Variants in GRIK4 observed in about 807,000 individuals in gnomAD.
GRIK4 encodes glutamate receptor ionotropic, kainate 4.
In GRIK4, 40 loss-of-function variants were observed where a neutral mutation model predicts 104.9. The observed-to-expected ratio is 0.38, with a 90% CI of 0.30 to 0.50. GRIK4 has a LOEUF of 0.50. GRIK4 is among the 20% of genes least tolerant of loss of function. The probability of loss-of-function intolerance (pLI) is 0.93; values close to 1 mark genes in which losing one functional copy is unlikely to be tolerated. For missense variants in GRIK4, 1,047 were observed against 1,308.1 expected, an observed-to-expected ratio of 0.80 and a Z score of 3.08; for synonymous variants, 485 against 524.9, an observed-to-expected ratio of 0.92 and a Z score of 1.04.
chr11:120,555,894 C>G lies in GRIK4; in HGVS notation c.-159+44007C>G, dbSNP rs774811017. On this transcript the variant is annotated intron_variant, in intron 1 of 20. Coordinates refer to ENST00000527524, the MANE Select transcript of GRIK4 (RefSeq NM_014619.5). This position sits in a 1 kb window ranked among gnomAD's most constrained non-coding sequence, Gnocchi z 5.3. ...AAATGCCTTGTCTTGGATGTGACAA[C>G]TGGGGCAATGACCAGGTTGACACAG... Among the ~76,000 whole-genome samples the G allele has an allele frequency of 3.9e-5, 6 of 152,152 alleles. No homozygotes were observed. Among genetic ancestry groups the G allele is most frequent in the Non-Finnish European group, 8.8e-5 (6 of 68,026 alleles).
intron 1 of GRIK4, among the ~76,000 whole-genome samples, chr11:120,521,675 AG>A (rs1947798280): frequency 6.6e-6 from 1 of 152,184 alleles, no homozygotes; most frequent in South Asian, 2.1e-4. Flanking sequence ...GCTATTCCCA[AG>A]GTAGAGAATA....
At chr11:120,512,879 G>A (rs1448854734) in intron 1 of GRIK4, among the ~76,000 whole-genome samples, 1 of 152,272 alleles carries the variant, frequency 6.6e-6, no homozygotes, top group African/African-American at 2.4e-5. Flanking sequence ...TGGAGGAGGC[G>A]GCCGAGGGGG....
At chr11:120,924,970 G>A (rs755106317) in intron 13 of GRIK4, among the ~76,000 whole-genome samples, 34 of 152,220 alleles carry the variant, frequency 2.2e-4, no homozygotes, top group Non-Finnish European at 3.8e-4. Context: ...GAAATGAGAA[G>A]GGGCCAGATG....
intron 3 of GRIK4, among the ~76,000 whole-genome samples, chr11:120,790,656 G>A (rs555163355): frequency 6.6e-6 from 1 of 152,316 alleles, no homozygotes; most frequent in South Asian, 2.1e-4. Context: ...GGGCCTGAGG[G>A]CCAGGCAGGT....
chr11:120,722,235 A>G (rs964021502), intron 3 of GRIK4, among the ~76,000 whole-genome samples: 2 of 152,198 alleles, frequency 1.3e-5, no homozygotes, highest in Admixed American at 6.5e-5. Context: ...TATATATGGC[A>G]TTCTTCTTTC....
Position 120,960,976 on chromosome 11 carries a change from C to G in GRIK4, c.1942C>G (p.Arg648Gly), listed in dbSNP as rs1262570024. 1.2e-6 allele frequency: 2 copies of G among 1,613,812 alleles called. No homozygotes were observed. Among genetic ancestry groups the G allele is most frequent in the South Asian group, 2.2e-5 (2 of 91,078 alleles). The change falls in exon 17 of 21, where the codon CGC (arginine) becomes GGC (glycine). Residue 648 changes from arginine to glycine, a missense_variant. This residue lies in a region of GRIK4 where 440 missense variants were observed against 652.3 expected (regional missense o/e 0.67). Transcript: ENST00000527524. ...ANLAAFLTVQ[R>G]MDVPIESVDD... The stretch of plus-strand genomic sequence containing the variant: ...CCTGGCAGCCTTCCTGACCGTGCAG[C>G]GCATGGATGTGCCCATTGAGTCAGT...
At chr11:120,604,476 A>C (rs1216401740) in intron 1 of GRIK4, among the ~76,000 whole-genome samples, 1 of 152,250 alleles carries the variant, frequency 6.6e-6, no homozygotes, top group African/African-American at 2.4e-5. Context: ...GCTGGCCGGC[A>C]GGTTTAAGAC....
chr11:120,980,658 T>C (rs1222855568), intron 19 of GRIK4, among the ~76,000 whole-genome samples: 1 of 152,156 alleles, frequency 6.6e-6, no homozygotes, highest in Non-Finnish European at 1.5e-5. Context: ...AGAATTGAGT[T>C]TTTAAATGAT....
At chr11:120,662,618 G>T (rs1011690056) in intron 3 of GRIK4, among the ~76,000 whole-genome samples, 1 of 152,148 alleles carries the variant, frequency 6.6e-6, no homozygotes, top group African/African-American at 2.4e-5. Flanking sequence ...ATGCAGATGG[G>T]CTGGGCTGGC....
rs900822904 is a variant in GRIK4 at position 120,911,468 on chromosome 11, A to C, written c.1476+5975A>C. ...TAGCCAGGATGGTCTCGATCTCCTGACCTCGTGATCCGCCCGTCTCGGCCT... is the reference window on the plus strand; with the variant it reads ...TAGCCAGGATGGTCTCGATCTCCTGCCCTCGTGATCCGCCCGTCTCGGCCT... On this transcript the variant is annotated intron_variant, in intron 13 of 20. Coordinates refer to ENST00000527524, the MANE Select transcript of GRIK4 (RefSeq NM_014619.5). 1.6e-4 allele frequency among the ~76,000 whole-genome samples: 24 copies of C among 145,830 alleles called. No individual in the cohort carries two copies. The East Asian group carries it at 4.5e-3, about 28-fold the overall frequency.
intron 3 of GRIK4, among the ~76,000 whole-genome samples, chr11:120,734,609 T>C (rs1193717593): frequency 2.6e-5 from 4 of 152,232 alleles, no homozygotes; most frequent in African/African-American, 9.6e-5. Flanking sequence ...TTCTCTGATA[T>C]TATCCCTTTG....
intron 11 of GRIK4, among the ~76,000 whole-genome samples, chr11:120,880,706 C>T (rs1954946619): frequency 6.6e-6 from 1 of 152,252 alleles, no homozygotes. Flanking sequence ...TTCACTGCCT[C>T]TCAAGGGACA....
At position 120,650,257 on chromosome 11, in the gene GRIK4, C is replaced by G. The variant is rs565441841; in HGVS notation, c.-158-3428C>G. Among the ~76,000 whole-genome samples, 12 of 152,328 alleles carry G rather than the reference C, an allele frequency of 7.9e-5. No homozygotes were observed. In the East Asian group the frequency reaches 1.9e-3, roughly 24 times the overall value. On this transcript the variant is annotated intron_variant, in intron 1 of 20. Transcript: ENST00000527524. The stretch of plus-strand genomic sequence containing the variant: ...GAGAAAATCGGCCCTCAATGCAGAG[C>G]CTTATCCTAGACCAAGGGGTGCAGA...
At chr11:120,799,501 T>C (rs1952585010) in intron 3 of GRIK4, among the ~76,000 whole-genome samples, 1 of 152,226 alleles carries the variant, frequency 6.6e-6, no homozygotes, top group Admixed American at 6.5e-5. Context: ...TGAGTTTTTA[T>C]AAGAAGGAAG....
chr11:120,798,728 C>T (rs1163775600), intron 3 of GRIK4, among the ~76,000 whole-genome samples: 1 of 152,124 alleles, frequency 6.6e-6, no homozygotes, highest in Non-Finnish European at 1.5e-5. Flanking sequence ...GTGATCCGCC[C>T]GCCTCGGCCT....
intron 1 of GRIK4, among the ~76,000 whole-genome samples, chr11:120,600,710 G>A (rs1470674781): frequency 1.3e-5 from 2 of 152,180 alleles, no homozygotes; most frequent in African/African-American, 4.8e-5. Flanking sequence ...AATTGGAAGG[G>A]GTAAATCTGT....
intron 6 of GRIK4, among the ~76,000 whole-genome samples, chr11:120,826,938 C>A (rs1007529569): frequency 6.6e-6 from 1 of 152,174 alleles, no homozygotes; most frequent in Non-Finnish European, 1.5e-5. Context: ...AACCGCACAC[C>A]CTGAGGCATG....
intron 1 of GRIK4, among the ~76,000 whole-genome samples, chr11:120,600,217 C>T (rs778157741): frequency 1.1e-4 from 17 of 152,138 alleles, no homozygotes; most frequent in African/African-American, 2.4e-4. Flanking sequence ...CCTCCCACAG[C>T]GGGAGGGTAC....
intron 4 of GRIK4, among the ~76,000 whole-genome samples, chr11:120,809,760 T>A (rs1952789423): frequency 6.6e-6 from 1 of 152,028 alleles, no homozygotes. Flanking sequence ...AGAATCCAGA[T>A]TGAGACATTG....
Sources: gnomAD v4.1 joint callset for allele counts (sites outside exome capture counted in the v4.1 genomes callset) on GRCh38, gnomAD v4.1.1 for gene constraint, gnomAD v4.1.1 regional missense constraint, Gnocchi (gnomAD v3.1) non-coding constraint, MANE v1.5 for transcripts, NCBI Gene and HGNC (gene_info 2026-07-23, HGNC 2026-07-21) for gene names.